GLI3: variants seen among roughly 807,000 people sequenced by gnomAD.
GLI3 encodes the protein transcription activator GLI3.
In GLI3, 20 loss-of-function variants were observed where a neutral mutation model predicts 100.8. The ratio of observed to expected loss-of-function variants is 0.20; its 90% CI spans 0.14 to 0.29. The LOEUF is 0.29. Among genes scored for constraint, GLI3 ranks in the 10% least tolerant of loss-of-function variants. GLI3 has a pLI of 1.00. For synonymous variants in GLI3, 938 were observed against 860.5 expected (o/e 1.09, Z -1.58); for missense variants, 2,040 against 2,128.5 (o/e 0.96, Z 0.82).
intron 3 of GLI3, among the ~76,000 whole-genome samples, chr7:42,138,414 G>T (rs184668700): frequency 1.1e-4 from 17 of 152,292 alleles, no homozygotes; most frequent in Middle Eastern, 3.4e-3. Context: ...TATATGAGAG[G>T]TAAACTGCAC....
chr7:42,079,464 T>C (rs1784953966), intron 3 of GLI3, among the ~76,000 whole-genome samples: 1 of 152,148 alleles, frequency 6.6e-6, no homozygotes, highest in Non-Finnish European at 1.5e-5. Context: ...CCATGAAATA[T>C]GGGGGTGGCT....
chr7:42,236,750 G>C (rs1788807712), intron 1 of GLI3, among the ~76,000 whole-genome samples: 1 of 152,228 alleles, frequency 6.6e-6, no homozygotes. Context: ...GCCGGTCCGC[G>C]GGTCGGACTC....
chr7:42,023,423 T>C (rs1251177458), intron 10 of GLI3, 45 bp downstream of exon 10: 3 of 1,607,098 alleles, frequency 1.9e-6, no homozygotes, highest in African/African-American at 1.3e-5. Context: ...CCCTGGAAAG[T>C]GTCACAGAGC....
At chr7:42,105,384 G>A (rs992556481) in intron 3 of GLI3, among the ~76,000 whole-genome samples, 31 of 151,954 alleles carry the variant, frequency 2.0e-4, no homozygotes, top group African/African-American at 7.5e-4. Context: ...TCTTGTTTCT[G>A]AGAAGCATAA....
At chr7:42,102,079 C>G (rs1214438007) in intron 3 of GLI3, among the ~76,000 whole-genome samples, 1 of 151,806 alleles carries the variant, frequency 6.6e-6, no homozygotes, top group Non-Finnish European at 1.5e-5. Context: ...TTAATCCAGT[C>G]TATCATTGTT....
At chr7:41,997,941 C>T (rs897403716) in intron 10 of GLI3, among the ~76,000 whole-genome samples, 34 of 152,190 alleles carry the variant, frequency 2.2e-4, no homozygotes, top group Admixed American at 2.1e-3. Flanking sequence ...TGTTTTCTTG[C>T]TCTACGTCAG....
intron 2 of GLI3, among the ~76,000 whole-genome samples, chr7:42,213,006 A>G (rs1477331110): frequency 6.6e-6 from 1 of 152,212 alleles, no homozygotes; most frequent in African/African-American, 2.4e-5. Flanking sequence ...CTTTTCTTTC[A>G]AAGAACCTAG....
Position 41,964,429 on chromosome 7 carries a change from T to C in GLI3, c.4644A>G (p.Pro1548=). Residue 1548 remains proline, a synonymous_variant, in exon 15 of 15, where the codon CCA becomes CCG. Transcript: ENST00000395925. ...TGTTGGTGGTGCTCATGGACAGCGC[T>C]GGGAATGGGAGGGACGCCCGAGGCG... ...LTTPRASLPF[P]ALSMSTTNMA... is the part of the protein sequence containing the mutation. 6.2e-7 allele frequency: 1 copy of C among 1,614,094 alleles called. No homozygotes were observed. Among genetic ancestry groups the C allele is most frequent in the Non-Finnish European group, 8.5e-7 (1 of 1,179,976 alleles).
chr7:42,245,158 C>T (rs934808992), intron 1 of GLI3, among the ~76,000 whole-genome samples: 6 of 152,028 alleles, frequency 3.9e-5, no homozygotes, highest in Admixed American at 6.6e-5. Flanking sequence ...TCAGTGATGG[C>T]GATAGTGGAA....
At chr7:42,099,826 T>C (rs984680065) in intron 3 of GLI3, among the ~76,000 whole-genome samples, 9 of 152,248 alleles carry the variant, frequency 5.9e-5, no homozygotes, top group African/African-American at 2.2e-4. Flanking sequence ...CCACTGCATC[T>C]GGCCATGATA....
chr7:42,202,239 TTCCA>T (rs1055367224), intron 2 of GLI3, among the ~76,000 whole-genome samples: 2 of 151,992 alleles, frequency 1.3e-5, no homozygotes, highest in Non-Finnish European at 2.9e-5. Context: ...TATAATGGGA[TTCCA>T]AAGATAGAGG....
rs1787229890 is a variant in GLI3 at position 41,967,787 on chromosome 7, G to T, written c.2240C>A (p.Thr747Asn). Reference protein sequence around the residue: ...SIGDLSAIDETPIMDSTISTA... With the variant: ...SIGDLSAIDENPIMDSTISTA... ...GGAAATGGTTGAGTCCATGATTGGG[G>T]TTTCATCGATGGCACTGAGGTCTCC... Residue 747 changes from threonine (T) to asparagine (N), a missense_variant, in exon 14 of 15, where the codon ACC becomes AAC. Physicochemically the swap from Thr to Asn is moderately conservative, Grantham distance 65. Transcript: ENST00000395925. 6.2e-7 allele frequency: 1 copy of T among 1,614,140 alleles called. No individual in the cohort carries two copies. Among genetic ancestry groups the T allele is most frequent in the Non-Finnish European group, 8.5e-7 (1 of 1,179,970 alleles).
chr7:42,084,930 T>TTTTTTTTTTTTTTTTTC (rs1785071558), intron 3 of GLI3, among the ~76,000 whole-genome samples: 2 of 104,122 alleles, frequency 1.9e-5, no homozygotes, highest in African/African-American at 8.1e-5. Context: ...TTTTTTTTTT[T>TTTTTTTTTTTTTTTTTC]AGATTGAGTC....
chr7:42,227,403 G>A (rs1014538080), intron 1 of GLI3, among the ~76,000 whole-genome samples: 9 of 151,764 alleles, frequency 5.9e-5, no homozygotes, highest in African/African-American at 1.9e-4. Flanking sequence ...TAGGTAAAAG[G>A]AGGGATAAAC....
chr7:42,034,737 T>A (rs1479523320), intron 7 of GLI3, among the ~76,000 whole-genome samples: 1 of 152,172 alleles, frequency 6.6e-6, no homozygotes, highest in Non-Finnish European at 1.5e-5. Flanking sequence ...GTGCTATTCT[T>A]TCTTAACATC....
At position 41,972,016 on chromosome 7, in the gene GLI3, A is replaced by G. The variant is rs1787375462; in HGVS notation, c.2103+321T>C. ...GGGTCACCAGGGCAAAGAAGACAGA[A>G]AGCATGTTTACAGGAAGAGTCAATG... On this transcript the variant is annotated intron_variant, in intron 13 of 14. Transcript: ENST00000395925. The surrounding 1 kb of genome is among the most constrained non-coding windows in gnomAD (Gnocchi z 4.4). Among the ~76,000 whole-genome samples, 1 of 152,242 alleles carries G rather than the reference A, an allele frequency of 6.6e-6. No individual in the cohort carries two copies. The highest frequency in any genetic ancestry group is 2.1e-4 in the South Asian group (1 of 4,834).
At chr7:42,225,825 C>T (rs1006510197) in intron 1 of GLI3, among the ~76,000 whole-genome samples, 6 of 152,230 alleles carry the variant, frequency 3.9e-5, no homozygotes, top group African/African-American at 1.4e-4. Flanking sequence ...AACTCTCCTT[C>T]ATCTGGAAAA....
intron 10 of GLI3, among the ~76,000 whole-genome samples, chr7:41,996,669 G>C (rs1002875311): frequency 3.3e-5 from 5 of 152,148 alleles, no homozygotes; most frequent in African/African-American, 1.2e-4. Flanking sequence ...TCATAATGCA[G>C]CATGACAATG....
At chr7:42,246,805 C>CTTTTTTTTTTTTTTTTTTTTTTTTTTTTT (rs71006467) in intron 1 of GLI3, among the ~76,000 whole-genome samples, 2 of 94,996 alleles carry the variant, frequency 2.1e-5, no homozygotes, top group Non-Finnish European at 4.1e-5. Flanking sequence ...ATGATAGAAT[C>CTTTTTTTTTTTTTTTTTTTTTTTTTTTTT]TTTTTTTTTT....
Sources: gnomAD v4.1 joint callset for allele counts (sites outside exome capture counted in the v4.1 genomes callset) on GRCh38, gnomAD v4.1.1 for gene constraint, Gnocchi (gnomAD v3.1) non-coding constraint, MANE v1.5 for transcripts, NCBI Gene and HGNC (gene_info 2026-07-23, HGNC 2026-07-21) for gene names.